The following PROX1 variants were observed in gnomAD, a reference collection of about 807,000 sequenced individuals.
PROX1 encodes prospero homeobox 1, also known as prospero homeobox protein 1.
PROX1 carries 7 observed loss-of-function variants against 58.8 expected under a neutral mutation model. The ratio of observed to expected loss-of-function variants is 0.12; its 90% confidence interval spans 0.07 to 0.22. The LOEUF (loss-of-function observed/expected upper bound fraction) is 0.22, where lower values mean the gene tolerates loss of function less well. Among genes scored for constraint, PROX1 ranks in the 10% least tolerant of loss-of-function variants. The probability of loss-of-function intolerance (pLI) is 1.00; values close to 1 mark genes in which losing one functional copy is unlikely to be tolerated. For synonymous variants in PROX1, 350 were observed against 358.3 expected (o/e 0.98, Z 0.26); for missense variants, 675 against 927.8 (o/e 0.73, Z 3.54).
At position 214,039,698 on chromosome 1, in the gene PROX1, C is replaced by T. The variant is rs1293292011; in HGVS notation, c.*3864C>T. The T allele has an allele frequency of 1.3e-5, 2 of 152,132 alleles. No homozygotes were observed. Among genetic ancestry groups the T allele is most frequent in the African/African-American group, 4.8e-5 (2 of 41,434 alleles). 9.4% of individuals were successfully genotyped at this position (152,132 alleles called of 1,614,324 possible). On this transcript the variant is annotated 3_prime_UTR_variant, in exon 5 of 5. Coordinates refer to ENST00000366958, the MANE Select transcript of PROX1 (RefSeq NM_001270616.2). ...AATCTCTTTTATCAGATGTCAAGGG[C>T]AAGGGTAATGCAGTTTCTGTAAATT...
Position 213,988,107 on chromosome 1 carries a change from T to G in PROX1, c.-444T>G, listed in dbSNP as rs1302447882. On this transcript the variant is annotated 5_prime_UTR_variant, in exon 1 of 5. Coordinates refer to ENST00000366958, the MANE Select transcript of PROX1 (RefSeq NM_001270616.2). ...TCTTCTTTACCCTTCTCCTCTCTCC[T>G]CCTCTGCTGCTCTCTCCTCTCCTCC... 2 of 76,306 alleles carry G rather than the reference T, an allele frequency of 2.6e-5. No individual in the cohort carries two copies. The highest frequency in any genetic ancestry group is 4.9e-5 in the Non-Finnish European group (2 of 40,696). 4.7% of individuals were successfully genotyped at this position (76,306 alleles called of 1,614,324 possible).
At chr1:214,025,663 C>CTTTTTTTTTTTTTTTTTT (rs539954941) in intron 4 of PROX1, among the ~76,000 whole-genome samples, 1 of 136,532 alleles carries the variant, frequency 7.3e-6, no homozygotes, top group Non-Finnish European at 1.6e-5. Context: ...TCTGTGATTC[C>CTTTTTTTTTTTTTTTTTT]TTTTTTTTTT....
intron 1 of PROX1, among the ~76,000 whole-genome samples, chr1:213,994,529 C>G (rs1232199856): frequency 6.6e-6 from 1 of 151,716 alleles, no homozygotes; most frequent in Non-Finnish European, 1.5e-5. Flanking sequence ...TGTCATCTGA[C>G]AGCTAACCTG....
chr1:214,001,218 A>G (rs1265136675), intron 2 of PROX1, among the ~76,000 whole-genome samples: 1 of 152,240 alleles, frequency 6.6e-6, no homozygotes. Context: ...TCTGTAGGAT[A>G]GAACACACTA....
intron 4 of PROX1, among the ~76,000 whole-genome samples, chr1:214,027,892 T>TA (rs1439640836): frequency 6.6e-6 from 1 of 151,710 alleles, no homozygotes; most frequent in African/African-American, 2.4e-5. Flanking sequence ...TACAGACTGT[T>TA]ATTGCCATGT....
At position 214,039,549 on chromosome 1, in the gene PROX1, A is replaced by G. The variant is rs1664937259; in HGVS notation, c.*3715A>G. On this transcript the variant is annotated 3_prime_UTR_variant, in exon 5 of 5. Transcript: ENST00000366958. ...CCTCATGGCTGTCATTATGTAAGAC[A>G]TGAGATTTTAATAAATAACTACATT... 6.6e-6 allele frequency: 1 copy of G among 152,228 alleles called. No homozygotes were observed. 9.4% of individuals were successfully genotyped at this position (152,228 alleles called of 1,614,324 possible).
intron 4 of PROX1, among the ~76,000 whole-genome samples, chr1:214,018,153 T>A (rs563416011): frequency 1.3e-5 from 2 of 152,344 alleles, no homozygotes; most frequent in East Asian, 3.9e-4. Context: ...CCACCCCTTT[T>A]CACATGGCAG....
intron 4 of PROX1, among the ~76,000 whole-genome samples, chr1:214,033,667 G>A (rs570522212): frequency 3.9e-5 from 6 of 152,176 alleles, no homozygotes; most frequent in Non-Finnish European, 8.8e-5. Flanking sequence ...CCAATCCAAG[G>A]AGTGAGAGTG....
chr1:214,011,743 A>G lies in PROX1; in HGVS notation c.2028+28A>G, dbSNP rs1354010594. 5 of 1,522,404 alleles carry G rather than the reference A, an allele frequency of 3.3e-6. No homozygotes were observed. The African/African-American group carries it at 5.6e-5, about 17-fold the overall frequency. 94.3% of individuals were successfully genotyped at this position (1,522,404 alleles called of 1,614,324 possible). ...AGGAACTAATCTTTATTTTTTGGTC[A>G]TCTCCCTTTTCCTTTTTTAAAAAAT... On this transcript the variant is annotated intron_variant, in intron 4 of 4. Transcript: ENST00000366958.
chr1:213,985,325 C>G (rs1446088625), upstream of PROX1: 2 of 152,312 alleles, frequency 1.3e-5, no homozygotes. Context: ...CAGGGCAGCC[C>G]GAGACCCAGG....
In PROX1 at chr1:213,997,411, C is replaced by G. The variant is rs779626865; in HGVS notation, c.876C>G (p.Val292=). The change falls in exon 2 of 5, where the codon GTC becomes GTG. Residue 292 remains valine (V), a synonymous_variant. Coordinates refer to ENST00000366958, the MANE Select transcript of PROX1 (RefSeq NM_001270616.2). The surrounding 1 kb of genome is among the most constrained non-coding windows in gnomAD (Gnocchi z 7.1). ...EILDARAQDS[V]GRSDNEMCEL... is the part of the protein sequence containing the mutation. ...TGGATGCCAGGGCCCAGGACTCTGT[C>G]GGAAGGTCAGATAATGAGATGTGCG... 6.2e-7 allele frequency: 1 copy of G among 1,613,836 alleles called. No homozygotes were observed. Among genetic ancestry groups the G allele is most frequent in the African/African-American group, 1.3e-5 (1 of 74,882 alleles).
intron 4 of PROX1, among the ~76,000 whole-genome samples, chr1:214,015,692 A>T (rs1037725759): frequency 6.6e-6 from 1 of 152,054 alleles, no homozygotes; most frequent in Non-Finnish European, 1.5e-5. Flanking sequence ...TAGCAGCTAT[A>T]TGTGCAGCTG....
chr1:214,020,986 A>G (rs1278650439), intron 4 of PROX1, among the ~76,000 whole-genome samples: 2 of 152,228 alleles, frequency 1.3e-5, no homozygotes, highest in East Asian at 1.9e-4. Context: ...GGGCACAAGA[A>G]TATGCATGTT....
upstream of PROX1, chr1:213,985,819 C>A (rs1234165882): frequency 6.6e-6 from 1 of 152,364 alleles, no homozygotes; most frequent in Non-Finnish European, 1.5e-5. Flanking sequence ...GTCCCTGACT[C>A]CTTTCTTCCC....
chr1:213,994,910 C>T (rs1663200152), intron 1 of PROX1, among the ~76,000 whole-genome samples: 1 of 151,030 alleles, frequency 6.6e-6, no homozygotes, highest in African/African-American at 2.4e-5. Context: ...ATCACTGTCA[C>T]TTAAAAAAAT....
At chr1:214,012,503 T>C (rs1353367304) in intron 4 of PROX1, among the ~76,000 whole-genome samples, 1 of 152,244 alleles carries the variant, frequency 6.6e-6, no homozygotes, top group African/African-American at 2.4e-5. Context: ...GCTAATGTGG[T>C]GCCTCAGCAA....
At chr1:213,992,694 C>T (rs113315862) in intron 1 of PROX1, among the ~76,000 whole-genome samples, 1,817 of 152,238 alleles carry the variant, frequency 0.012, 39 homozygotes, top group African/African-American at 0.042. Context: ...CCATGCCAAC[C>T]TTACACTCTC....
chr1:214,012,450 A>G (rs554807652), intron 4 of PROX1, among the ~76,000 whole-genome samples: 2 of 152,352 alleles, frequency 1.3e-5, no homozygotes, highest in South Asian at 2.1e-4. Flanking sequence ...TATCCATGCA[A>G]CAATGAAAGA....
At chr1:214,006,731 G>T (rs1663727457) in intron 3 of PROX1, among the ~76,000 whole-genome samples, 1 of 152,136 alleles carries the variant, frequency 6.6e-6, no homozygotes, top group South Asian at 2.1e-4. Flanking sequence ...GTTCTAGGAG[G>T]GGACATGGAG....
Sources: gnomAD v4.1 joint callset for allele counts (sites outside exome capture counted in the v4.1 genomes callset) on GRCh38, gnomAD v4.1.1 for gene constraint, Gnocchi (gnomAD v3.1) non-coding constraint, MANE v1.5 for transcripts, NCBI Gene and HGNC (gene_info 2026-07-23, HGNC 2026-07-21) for gene names.